The following KCNQ1 variants were observed in gnomAD, a reference collection of about 807,000 sequenced individuals.
KCNQ1 encodes potassium voltage-gated channel subfamily Q member 1.
A neutral mutation model predicts 72.4 loss-of-function variants in KCNQ1; 49 were observed. The ratio of observed to expected loss-of-function variants is 0.68; its 90% confidence interval spans 0.54 to 0.86. KCNQ1 has a LOEUF of 0.86. KCNQ1 is among the 40% of genes least tolerant of loss of function. The probability of loss-of-function intolerance (pLI) is 0.00; values close to 1 mark genes in which losing one functional copy is unlikely to be tolerated. For missense variants in KCNQ1, 790 were observed against 945.1 expected (o/e 0.84, Z 2.15); for synonymous variants, 450 against 412.6 (o/e 1.09, Z -1.10).
intron 1 of KCNQ1, among the ~76,000 whole-genome samples, chr11:2,521,215 C>T (rs1589926729): frequency 6.6e-6 from 1 of 152,056 alleles, no homozygotes; most frequent in African/African-American, 2.4e-5. Flanking sequence ...CATGAAATCC[C>T]ACTCCCTCTC....
At chr11:2,791,400 C>A (rs1847019379) in intron 15 of KCNQ1, among the ~76,000 whole-genome samples, 1 of 152,220 alleles carries the variant, frequency 6.6e-6, no homozygotes, top group African/African-American at 2.4e-5. Context: ...CTCAGAAAAA[C>A]ATGTATTTTG....
chr11:2,468,259 G>A lies in KCNQ1; in HGVS notation c.386+22775G>A, dbSNP rs1470596794. 2.6e-5 allele frequency among the ~76,000 whole-genome samples: 4 copies of A among 152,094 alleles called. No individual in the cohort carries two copies. Among genetic ancestry groups the A allele is most frequent in the South Asian group, 2.1e-4 (1 of 4,818 alleles). Reference sequence around the variant, plus strand: ...CCTCCCTGGCTCAAGAGATCCTCCCGCCTCAGCCTCCTGAGTAGCTGGGAC... The same window carrying A: ...CCTCCCTGGCTCAAGAGATCCTCCCACCTCAGCCTCCTGAGTAGCTGGGAC... On this transcript the variant is annotated intron_variant, in intron 1 of 15. Coordinates refer to ENST00000155840, the MANE Select transcript of KCNQ1 (RefSeq NM_000218.3). The surrounding 1 kb of genome is among the most constrained non-coding windows in gnomAD (Gnocchi z 5.7).
At chr11:2,706,782 C>T (rs1850918010) in intron 11 of KCNQ1, among the ~76,000 whole-genome samples, 1 of 152,194 alleles carries the variant, frequency 6.6e-6, no homozygotes, top group Non-Finnish European at 1.5e-5. Context: ...GAACTCTGCC[C>T]ACCAGACCAG....
chr11:2,692,742 C>T (rs1171599099), intron 11 of KCNQ1: 2 of 398,558 alleles, frequency 5.0e-6, no homozygotes, highest in Non-Finnish European at 8.8e-6. Context: ...CTATCAAATC[C>T]CTCCCTCTGG....
chr11:2,667,200 C>T (rs1356637139), intron 11 of KCNQ1: 7 of 398,750 alleles, frequency 1.8e-5, no homozygotes, highest in East Asian at 3.6e-5. Context: ...GTGGCGGCCC[C>T]CCGTGGCCCC....
At chr11:2,589,394 AGCG>A (rs1485303260) in intron 10 of KCNQ1, among the ~76,000 whole-genome samples, 3 of 152,178 alleles carry the variant, frequency 2.0e-5, no homozygotes, top group Non-Finnish European at 4.4e-5. Context: ...TCACCCCTGC[AGCG>A]GGGGCTGGGA....
In KCNQ1 at chr11:2,493,271, T is replaced by C. The variant is rs544753022; in HGVS notation, c.387-34657T>C. ...TATTAGACCTTGTCAGATGGATAGA[T>C]TGCAAATATTTTCTCCCATTCTGTA... is the stretch of plus-strand genomic sequence containing the variant. On this transcript the variant is annotated intron_variant, in intron 1 of 15. Transcript: ENST00000155840. This position sits in a 1 kb window ranked among gnomAD's most constrained non-coding sequence, Gnocchi z 5.3. 6.6e-6 allele frequency among the ~76,000 whole-genome samples: 1 copy of C among 152,354 alleles called. No homozygotes were observed. Among genetic ancestry groups the C allele is most frequent in the East Asian group, 1.9e-4 (1 of 5,194 alleles).
rs1049883126 is a variant in KCNQ1 at position 2,681,928 on chromosome 11, G to A, written c.1514+19847G>A. On this transcript the variant is annotated intron_variant, in intron 11 of 15. Coordinates refer to ENST00000155840, the MANE Select transcript of KCNQ1 (RefSeq NM_000218.3). Reference sequence around the variant, plus strand: ...ATAATGAACACACGTTTAGGCTGAAGAATAATCTTCAAATGATACTACTAC... The same window carrying A: ...ATAATGAACACACGTTTAGGCTGAAAAATAATCTTCAAATGATACTACTAC... 7 of 398,474 alleles carry A rather than the reference G, an allele frequency of 1.8e-5. No homozygotes were observed. In the East Asian group the frequency reaches 2.5e-4, roughly 14 times the overall value. 24.7% of individuals were successfully genotyped at this position (398,474 alleles called of 1,614,324 possible).
intron 11 of KCNQ1, among the ~76,000 whole-genome samples, chr11:2,744,829 C>T (rs760288617): frequency 3.3e-5 from 5 of 152,148 alleles, no homozygotes; most frequent in South Asian, 2.1e-4. Context: ...CCTTTGCATT[C>T]GGAAGAATCC....
chr11:2,738,753 A>G (rs1003669866), intron 11 of KCNQ1, among the ~76,000 whole-genome samples: 2 of 152,338 alleles, frequency 1.3e-5, no homozygotes, highest in Admixed American at 1.3e-4. Flanking sequence ...CGTGGGCTGC[A>G]GCACTGGCCA....
chr11:2,799,375 AGTGTGTGT>A (rs3079043), intron 15 of KCNQ1, among the ~76,000 whole-genome samples: 1 of 147,308 alleles, frequency 6.8e-6, no homozygotes, highest in Non-Finnish European at 1.5e-5. Flanking sequence ...TGTAAGTTCG[AGTGTGTGT>A]GTGTGTGTGT....
At position 2,492,492 on chromosome 11, in the gene KCNQ1, C is replaced by T. The variant is rs941582021; in HGVS notation, c.387-35436C>T. ...GCCCTACATGCATTAGGTATTTGTC[C>T]TAATGCTCTCCCTCCCCTTGGCCCC... On this transcript the variant is annotated intron_variant, in intron 1 of 15. Transcript: ENST00000155840. This position sits in a 1 kb window ranked among gnomAD's most constrained non-coding sequence, Gnocchi z 4.1. Among the ~76,000 whole-genome samples the T allele has an allele frequency of 6.6e-6, 1 of 152,112 alleles. No homozygotes were observed. Among genetic ancestry groups the T allele is most frequent in the East Asian group, 1.9e-4 (1 of 5,186 alleles).
rs368364062 is a variant in KCNQ1 at position 2,778,010 on chromosome 11, C to T, written c.1767C>T (p.Gly589=). ...AGGATCGCGGCAGCAACACGATCGG[C>T]GCCCGCCTGAACCGAGTAGAAGACA... ...KSKDRGSNTI[G]ARLNRVEDKV... Residue 589 remains glycine (G), a synonymous_variant, in exon 15 of 16, where the codon GGC becomes GGT. Transcript: ENST00000155840. 1.2e-5 allele frequency: 20 copies of T among 1,613,624 alleles called. No individual in the cohort carries two copies. Among genetic ancestry groups the T allele is most frequent in the African/African-American group, 2.7e-5 (2 of 74,932 alleles).
chr11:2,677,646 C>T lies in KCNQ1; in HGVS notation c.1514+15565C>T, dbSNP rs1297372902. 3 of 398,414 alleles carry T rather than the reference C, an allele frequency of 7.5e-6. No individual in the cohort carries two copies. The highest frequency in any genetic ancestry group is 1.3e-5 in the Non-Finnish European group (3 of 226,072). The allele number at this position is 398,414 out of a possible 1,614,324, so 24.7% of individuals were successfully genotyped here. A position where few individuals can be genotyped will look rare whatever the true frequency, so the allele number is the denominator to read the frequency against. The stretch of plus-strand genomic sequence containing the variant: ...GTGTACATAATTGTAACTCTAACAA[C>T]TGTTATTGCATATGAGATAAAATAA... On this transcript the variant is annotated intron_variant, in intron 11 of 15. Coordinates refer to ENST00000155840, the MANE Select transcript of KCNQ1 (RefSeq NM_000218.3). The surrounding 1 kb of genome is among the most constrained non-coding windows in gnomAD (Gnocchi z 4.5).
Position 2,690,718 on chromosome 11 carries a change from C to T in KCNQ1, c.1514+28637C>T. 1 of 398,586 alleles carries T rather than the reference C, an allele frequency of 2.5e-6. No individual in the cohort carries two copies. The highest frequency in any genetic ancestry group is 4.4e-6 in the Non-Finnish European group (1 of 226,078). 24.7% of individuals were successfully genotyped at this position (398,586 alleles called of 1,614,324 possible). ...AATTCCTGAGGGCTTTCCATTTGAT[C>T]CCAGTGGTTGAAGATGGAGTATGAT... On this transcript the variant is annotated intron_variant, in intron 11 of 15. Coordinates refer to ENST00000155840, the MANE Select transcript of KCNQ1 (RefSeq NM_000218.3). This position sits in a 1 kb window ranked among gnomAD's most constrained non-coding sequence, Gnocchi z 5.1.
chr11:2,814,002 GGATGGATGGATGGAT>G (rs1420948737), intron 15 of KCNQ1, among the ~76,000 whole-genome samples: 2 of 151,038 alleles, frequency 1.3e-5, no homozygotes, highest in Non-Finnish European at 2.9e-5. Flanking sequence ...ATAAAGAAAT[GGATGGATGGATGGAT>G]GATGGATGGA....
intron 11 of KCNQ1, chr11:2,699,160 C>A (rs1850727906): frequency 5.0e-6 from 2 of 398,586 alleles, no homozygotes; most frequent in African/African-American, 4.1e-5. Flanking sequence ...CCACTCTGAA[C>A]CACCATGAGA....
chr11:2,789,248 C>T (rs1287724084), intron 15 of KCNQ1, among the ~76,000 whole-genome samples: 2 of 152,040 alleles, frequency 1.3e-5, no homozygotes, highest in African/African-American at 2.4e-5. Flanking sequence ...TGCGGAAGAG[C>T]AGACGCTCTT....
chr11:2,739,179 A>C (rs1079715), intron 11 of KCNQ1, among the ~76,000 whole-genome samples: 8,979 of 152,210 alleles, frequency 0.059, 312 homozygotes, highest in Admixed American at 0.1. Flanking sequence ...CATGTCTGGG[A>C]GGGCCAGGGT....
Sources: gnomAD v4.1 joint callset for allele counts (sites outside exome capture counted in the v4.1 genomes callset) on GRCh38, gnomAD v4.1.1 for gene constraint, Gnocchi (gnomAD v3.1) non-coding constraint, MANE v1.5 for transcripts, NCBI Gene and HGNC (gene_info 2026-07-23, HGNC 2026-07-21) for gene names.